NLN: variants seen among roughly 807,000 people sequenced by gnomAD.
The protein encoded by NLN is neurolysin.
In NLN, 64 loss-of-function variants were observed where a neutral mutation model predicts 79.9. The ratio of observed to expected loss-of-function variants is 0.80; its 90% CI spans 0.65 to 0.99. NLN has a LOEUF of 0.99. NLN is among the 50% of genes least tolerant of loss of function. The pLI is 0.00. For synonymous variants in NLN, 267 were observed against 296.6 expected (o/e 0.90, Z 1.02); for missense variants, 835 against 858.7 (o/e 0.97, Z 0.34).
chr5:65,745,907 C>T (rs1758966792), intron 1 of NLN, among the ~76,000 whole-genome samples: 2 of 152,194 alleles, frequency 1.3e-5, no homozygotes, highest in South Asian at 2.1e-4. Flanking sequence ...TACTGGTGAT[C>T]GTCCTTGAGA....
At chr5:65,744,200 G>A (rs960059344) in intron 1 of NLN, among the ~76,000 whole-genome samples, 4 of 152,240 alleles carry the variant, frequency 2.6e-5, no homozygotes, top group South Asian at 2.1e-4. Context: ...GTCTCACCAC[G>A]TTGCCTAGGC....
At chr5:65,770,241 GAA>G (rs1183478582) in intron 3 of NLN, among the ~76,000 whole-genome samples, 11 of 152,132 alleles carry the variant, frequency 7.2e-5, no homozygotes, top group Non-Finnish European at 2.9e-5. Context: ...AAGGAAAAGT[GAA>G]AAGAGTTCAA....
chr5:65,820,450 T>G (rs1398894800), intron 12 of NLN, among the ~76,000 whole-genome samples: 1 of 152,198 alleles, frequency 6.6e-6, no homozygotes, highest in African/African-American at 2.4e-5. Flanking sequence ...TTAACTCACA[T>G]TGTCTGCGTT....
chr5:65,783,720 T>A (rs1414869617), intron 6 of NLN, among the ~76,000 whole-genome samples: 2 of 137,734 alleles, frequency 1.5e-5, no homozygotes, highest in African/African-American at 2.6e-5. Flanking sequence ...AAAAAAAAAA[T>A]TCAGAGTTAT....
chr5:65,763,047 C>A lies in NLN; in HGVS notation c.389C>A (p.Ser130Tyr). 1 of 1,613,718 alleles carries A rather than the reference C, an allele frequency of 6.2e-7. No homozygotes were observed. The highest frequency in any genetic ancestry group is 8.5e-7 in the Non-Finnish European group (1 of 1,179,788). ...AGTACAGAAGCAGACAAAAGACTTT[C>A]TCGTTTTGATATTGAGATGAGCATG... ...AASTEADKRLSRFDIEMSMRG... is the reference protein window; with the variant it reads ...AASTEADKRLYRFDIEMSMRG... Residue 130 changes from serine (S) to tyrosine (Y), a missense_variant, in exon 3 of 13, where the codon TCT (serine) becomes TAT (tyrosine). Transcript: ENST00000380985.
At chr5:65,782,671 A>T (rs1429568854) in intron 6 of NLN, among the ~76,000 whole-genome samples, 3 of 152,196 alleles carry the variant, frequency 2.0e-5, no homozygotes, top group Non-Finnish European at 4.4e-5. Flanking sequence ...GGCTTTTCCA[A>T]CCATCTGAAG....
At chr5:65,725,471 A>G (rs150513281) in intron 1 of NLN, among the ~76,000 whole-genome samples, 70 of 152,340 alleles carry the variant, frequency 4.6e-4, no homozygotes, top group Non-Finnish European at 8.7e-4. Context: ...TAAAACATTA[A>G]GCATAAGTCC....
chr5:65,805,807 C>T (rs1760399894), intron 9 of NLN, among the ~76,000 whole-genome samples: 1 of 152,184 alleles, frequency 6.6e-6, no homozygotes, highest in East Asian at 1.9e-4. Context: ...GTAGAAGATG[C>T]CGTCTAGGAC....
chr5:65,780,246 A>T lies in NLN; in HGVS notation c.626A>T (p.Asp209Val). 6.8e-7 allele frequency: 1 copy of T among 1,473,182 alleles called. No individual in the cohort carries two copies. Among genetic ancestry groups the T allele is most frequent in the South Asian group, 1.2e-5 (1 of 83,822 alleles). The allele number at this position is 1,473,182 out of a possible 1,614,324, so 91.3% of individuals were successfully genotyped here. ...CIDFNKNLNE[D>V]DTFLVFSKAE... ...GATTTTAACAAAAACCTCAATGAGG[A>T]TGATACCTTCCTTGTATTTTCCAAG... Residue 209 changes from aspartate to valine, a missense_variant, in exon 5 of 13, where the codon GAT (aspartate) becomes GTT (valine). By Grantham distance (152) the Asp-to-Val change is radical. Transcript: ENST00000380985.
intron 12 of NLN, among the ~76,000 whole-genome samples, chr5:65,816,820 G>T (rs2150777301): frequency 6.6e-6 from 1 of 152,302 alleles, no homozygotes; most frequent in South Asian, 2.1e-4. Context: ...TGCAGACTTT[G>T]TTGTCTCACC....
chr5:65,814,416 G>A (rs76318366), intron 12 of NLN, among the ~76,000 whole-genome samples: 1,741 of 152,048 alleles, frequency 0.011, 30 homozygotes, highest in African/African-American at 0.04. Context: ...AAATTTATTC[G>A]TTCTATTTCG....
intron 3 of NLN, among the ~76,000 whole-genome samples, chr5:65,773,073 C>T (rs1031388669): frequency 6.6e-6 from 1 of 151,800 alleles, no homozygotes; most frequent in East Asian, 1.9e-4. Flanking sequence ...CCGCCTTGTC[C>T]TCCCAAACTG....
At chr5:65,804,456 G>A (rs1432775821) in intron 9 of NLN, among the ~76,000 whole-genome samples, 1 of 152,174 alleles carries the variant, frequency 6.6e-6, no homozygotes, top group East Asian at 1.9e-4. Flanking sequence ...TTAAACAAGT[G>A]TGTTAGTGCT....
intron 1 of NLN, among the ~76,000 whole-genome samples, chr5:65,754,189 T>G (rs1363457941): frequency 1.3e-5 from 2 of 152,212 alleles, no homozygotes; most frequent in East Asian, 1.9e-4. Flanking sequence ...GCTTTACAAT[T>G]AGTTGATCTA....
intron 1 of NLN, among the ~76,000 whole-genome samples, chr5:65,756,717 G>T (rs555200167): frequency 5.9e-5 from 9 of 152,214 alleles, no homozygotes; most frequent in African/African-American, 2.2e-4. Context: ...TGCCCAGGCT[G>T]GTCTCGAACC....
At position 65,781,399 on chromosome 5, in the gene NLN, C is replaced by A; in HGVS notation, c.800C>A (p.Ala267Asp). Reference sequence around the variant, plus strand: ...GAAACCAGAAGAAGGATGGAAATGGCTTTTAATACAAGGTGCAAAGAGGTA... The same window carrying A: ...GAAACCAGAAGAAGGATGGAAATGGATTTTAATACAAGGTGCAAAGAGGTA... ...IPETRRRMEM[A>D]FNTRCKEENT... Residue 267 changes from alanine (A) to aspartate (D), a missense_variant, in exon 6 of 13, where the codon GCT (alanine) becomes GAT (aspartate). By Grantham distance (126) the Ala-to-Asp change is moderately radical. Coordinates refer to ENST00000380985, the MANE Select transcript of NLN (RefSeq NM_020726.5). The A allele has an allele frequency of 6.2e-7, 1 of 1,607,830 alleles. No individual in the cohort carries two copies. Among genetic ancestry groups the A allele is most frequent in the Non-Finnish European group, 8.5e-7 (1 of 1,174,876 alleles).
Position 65,823,625 on chromosome 5 carries a change from C to T in NLN, c.*710C>T, listed in dbSNP as rs1166616349. 5 of 152,048 alleles carry T rather than the reference C, an allele frequency of 3.3e-5. No homozygotes were observed. Among genetic ancestry groups the T allele is most frequent in the African/African-American group, 7.2e-5 (3 of 41,390 alleles). 9.4% of individuals were successfully genotyped at this position (152,048 alleles called of 1,614,324 possible). A position where few individuals can be genotyped will look rare whatever the true frequency, so the allele number is the denominator to read the frequency against. On this transcript the variant is annotated 3_prime_UTR_variant, in exon 13 of 13. Transcript: ENST00000380985. ...TTTTGTATCTTGTATTAGAGGATTTCGTAGCTTTTATTAGAGGCTCATTTC... is the reference window on the plus strand; with the variant it reads ...TTTTGTATCTTGTATTAGAGGATTTTGTAGCTTTTATTAGAGGCTCATTTC...
chr5:65,826,208 C>T lies in NLN; in HGVS notation c.*3293C>T, dbSNP rs1487164963. ...TGGAACATAAAGGGTTTAGAAACTT[C>T]TGCAGGCAGCAGTGGCAGGGAGCAA... On this transcript the variant is annotated 3_prime_UTR_variant, in exon 13 of 13. Transcript: ENST00000380985. The T allele has an allele frequency of 1.3e-5, 2 of 152,310 alleles. No homozygotes were observed. Among genetic ancestry groups the T allele is most frequent in the Admixed American group, 1.3e-4 (2 of 15,272 alleles). 9.4% of individuals were successfully genotyped at this position (152,310 alleles called of 1,614,324 possible).
chr5:65,760,327 A>T (rs968259483), intron 2 of NLN, among the ~76,000 whole-genome samples: 1 of 152,206 alleles, frequency 6.6e-6, no homozygotes, highest in Non-Finnish European at 1.5e-5. Flanking sequence ...CACGTCTTGA[A>T]TTTAAACTCG....
Sources: allele counts gnomAD v4.1 joint callset (sites outside exome capture counted in the v4.1 genomes callset), GRCh38; gene constraint gnomAD v4.1.1; transcripts MANE v1.5; gene names NCBI Gene and HGNC (gene_info 2026-07-23, HGNC 2026-07-21).